Variants in NAB1 observed in about 807,000 individuals in gnomAD.
NAB1 encodes the protein NGFI-A binding protein 1.
NAB1 carries 25 observed loss-of-function variants against 49.9 expected under a neutral mutation model. That is an observed-to-expected ratio of 0.50 (90% confidence interval 0.37 to 0.70). The LOEUF is 0.70. NAB1 is among the 30% of genes least tolerant of loss of function. The pLI is 0.00. For synonymous variants in NAB1, 198 were observed against 215.6 expected (o/e 0.92, Z 0.71); for missense variants, 489 against 575.9 (o/e 0.85, Z 1.54).
rs1221177369 is a variant in NAB1, at chr2:190,667,336, A to G, written c.820-2990A>G. 6.6e-6 allele frequency among the ~76,000 whole-genome samples: 1 copy of G among 152,266 alleles called. No homozygotes were observed. Among genetic ancestry groups the G allele is most frequent in the African/African-American group, 2.4e-5 (1 of 41,466 alleles). ...CAGTTAAAACATCTTACTGAAAATC[A>G]GAGGTTTCCTTAGTAATTTAGATTT... is the stretch of plus-strand genomic sequence containing the variant. On this transcript the variant is annotated intron_variant, in intron 4 of 9. Coordinates refer to ENST00000337386, the MANE Select transcript of NAB1 (RefSeq NM_005966.4). This position sits in a 1 kb window ranked among gnomAD's most constrained non-coding sequence, Gnocchi z 4.4.
At position 190,685,405 on chromosome 2, in the gene NAB1, T is replaced by C; in HGVS notation, c.1096-71T>C. On this transcript the variant is annotated intron_variant, in intron 7 of 9. Coordinates refer to ENST00000337386, the MANE Select transcript of NAB1 (RefSeq NM_005966.4). The surrounding 1 kb of genome is among the most constrained non-coding windows in gnomAD (Gnocchi z 4.5). The stretch of plus-strand genomic sequence containing the variant: ...TAAATATATTTGCTGGAGTCTGAAA[T>C]TGGCATCTTTAAACCATTAAAAAAT... 2 of 1,355,876 alleles carry C rather than the reference T, an allele frequency of 1.5e-6. No individual in the cohort carries two copies. Among genetic ancestry groups the C allele is most frequent in the Non-Finnish European group, 9.9e-7 (1 of 1,008,530 alleles). 84.0% of individuals were successfully genotyped at this position (1,355,876 alleles called of 1,614,324 possible).
At position 190,689,078 on chromosome 2, in the gene NAB1, G is replaced by A. The variant is rs753077042; in HGVS notation, c.1376-1167G>A. 3.3e-5 allele frequency among the ~76,000 whole-genome samples: 5 copies of A among 152,084 alleles called. No individual in the cohort carries two copies. Among genetic ancestry groups the A allele is most frequent in the East Asian group, 1.9e-4 (1 of 5,176 alleles). ...CCTGACCTTGTGATCCGCCCGCCTC[G>A]GCCCCACAAAGTGCTGGGATTACAG... On this transcript the variant is annotated intron_variant, in intron 9 of 9. Transcript: ENST00000337386. This position sits in a 1 kb window ranked among gnomAD's most constrained non-coding sequence, Gnocchi z 4.3.
Position 190,685,176 on chromosome 2 carries a change from T to C in NAB1, c.1096-300T>C, listed in dbSNP as rs531983838. On this transcript the variant is annotated intron_variant, in intron 7 of 9. Coordinates refer to ENST00000337386, the MANE Select transcript of NAB1 (RefSeq NM_005966.4). The surrounding 1 kb of genome is among the most constrained non-coding windows in gnomAD (Gnocchi z 4.5). Reference sequence around the variant, plus strand: ...TAGATTTCTGTTTTAAAAAATCCTTTAAAGGACTTAGTACCTTGGAAAACA... The same window carrying C: ...TAGATTTCTGTTTTAAAAAATCCTTCAAAGGACTTAGTACCTTGGAAAACA... Among the ~76,000 whole-genome samples the C allele has an allele frequency of 6.6e-6, 1 of 152,346 alleles. No individual in the cohort carries two copies. Among genetic ancestry groups the C allele is most frequent in the African/African-American group, 2.4e-5 (1 of 41,588 alleles).
In NAB1 at chr2:190,652,654, AG is replaced by A. The variant is rs1308488256; in HGVS notation, c.-197+2674del. ...CCCAAATTACAGTCAATTCATTAGAAGGTATATATTTAATTCATAGCTAAGA... is the reference window on the plus strand; with the variant it reads ...CCCAAATTACAGTCAATTCATTAGAAGTATATATTTAATTCATAGCTAAGA... On this transcript the variant is annotated intron_variant, in intron 2 of 9. Transcript: ENST00000337386. The surrounding 1 kb of genome is among the most constrained non-coding windows in gnomAD (Gnocchi z 4.2). 6.6e-6 allele frequency among the ~76,000 whole-genome samples: 1 copy of A among 152,202 alleles called. No individual in the cohort carries two copies.
chr2:190,662,586 A>T (rs1324840579), intron 4 of NAB1, among the ~76,000 whole-genome samples: 1 of 152,200 alleles, frequency 6.6e-6, no homozygotes, highest in African/African-American at 2.4e-5. Flanking sequence ...TGCATCTATC[A>T]TAAGGGGTGT....
intron 3 of NAB1, among the ~76,000 whole-genome samples, chr2:190,656,818 T>A (rs565951590): frequency 1.3e-5 from 2 of 152,340 alleles, no homozygotes; most frequent in African/African-American, 4.8e-5. Context: ...TAAAAAGATT[T>A]AAAAGTATTT....
At position 190,660,988 on chromosome 2, in the gene NAB1, G is replaced by T. The variant is rs186822509; in HGVS notation, c.819+993G>T. Among the ~76,000 whole-genome samples the T allele has an allele frequency of 1.4e-4, 21 of 150,154 alleles. No homozygotes were observed. In the East Asian group the frequency reaches 3.7e-3, roughly 27 times the overall value. On this transcript the variant is annotated intron_variant, in intron 4 of 9. Transcript: ENST00000337386. ...ATGGGGGTCTCACTCTGTCACGCAA[G>T]CTAGAGTGCAGTGGGTGCAGCCTGG...
In NAB1 at chr2:190,685,589, A is replaced by G. The variant is rs1695566243; in HGVS notation, c.1209A>G (p.Ser403=). The G allele has an allele frequency of 6.2e-7, 1 of 1,613,980 alleles. No homozygotes were observed. Among genetic ancestry groups the G allele is most frequent in the African/African-American group, 1.3e-5 (1 of 74,940 alleles). Residue 403 remains serine (S), a synonymous_variant, in exon 8 of 10, where the codon TCA becomes TCG. Coordinates refer to ENST00000337386, the MANE Select transcript of NAB1 (RefSeq NM_005966.4). This position sits in a 1 kb window ranked among gnomAD's most constrained non-coding sequence, Gnocchi z 4.5. ...CTGCAGGGCTTTACAGGCAGAGCTCAGAAGAGCACAGTCCTAACGGCTTGA... is the reference window on the plus strand; with the variant it reads ...CTGCAGGGCTTTACAGGCAGAGCTCGGAAGAGCACAGTCCTAACGGCTTGA... ...RLSAGLYRQS[S]EEHSPNGLTS...
chr2:190,663,779 G>C lies in NAB1; in HGVS notation c.819+3784G>C, dbSNP rs1023855295. ...CAATTAAAGTATAAATTTTCACTAT[G>C]TATTGATTCAGTGTTATTCCCAAAG... On this transcript the variant is annotated intron_variant, in intron 4 of 9. Coordinates refer to ENST00000337386, the MANE Select transcript of NAB1 (RefSeq NM_005966.4). The surrounding 1 kb of genome is among the most constrained non-coding windows in gnomAD (Gnocchi z 4.2). Among the ~76,000 whole-genome samples, 5 of 152,018 alleles carry C rather than the reference G, an allele frequency of 3.3e-5. No individual in the cohort carries two copies. Among genetic ancestry groups the C allele is most frequent in the African/African-American group, 4.8e-5 (2 of 41,382 alleles).
rs60518431 is a variant in NAB1, at chr2:190,677,113, T to C, written c.1005+3961T>C. ...AGGCTTGGGTGGAATGAAGTTATAA[T>C]TCATTGACTTGTCTGATTTTTCTAC... On this transcript the variant is annotated intron_variant, in intron 6 of 9. Coordinates refer to ENST00000337386, the MANE Select transcript of NAB1 (RefSeq NM_005966.4). This position sits in a 1 kb window ranked among gnomAD's most constrained non-coding sequence, Gnocchi z 5.6. 28,329 of 152,044 alleles carry C rather than the reference T, an allele frequency of 0.19. 3,151 individuals are homozygous for C. The highest frequency in any genetic ancestry group is 0.37 in the East Asian group (1,895 of 5,168). 9.4% of individuals were successfully genotyped at this position (152,044 alleles called of 1,614,324 possible).
intron 5 of NAB1, 102 bp from the exon 6 acceptor site, chr2:190,672,999 A>G: frequency 1.1e-6 from 1 of 927,202 alleles, no homozygotes; most frequent in Non-Finnish European, 1.7e-6. Context: ...TTGGAGTTTC[A>G]GGGTATATGT....
At position 190,649,600 on chromosome 2, in the gene NAB1, C is replaced by T. The variant is rs897484326; in HGVS notation, c.-334+240C>T. Among the ~76,000 whole-genome samples the T allele has an allele frequency of 6.6e-6, 1 of 152,106 alleles. No homozygotes were observed. The highest frequency in any genetic ancestry group is 6.5e-5 in the Admixed American group (1 of 15,290). On this transcript the variant is annotated intron_variant, in intron 1 of 9. Transcript: ENST00000337386. The surrounding 1 kb of genome is among the most constrained non-coding windows in gnomAD (Gnocchi z 6.1). ...TGCCAGGGCGGCGGGGAGCGCGGCC[C>T]TGACTCGTGCATTTTCCCTCCGAGA...
In NAB1 at chr2:190,659,461, C is replaced by G; in HGVS notation, c.285C>G (p.Pro95=). Residue 95 remains proline (P), a synonymous_variant, in exon 4 of 10, where the codon CCC becomes CCG. Transcript: ENST00000337386. This position sits in a 1 kb window ranked among gnomAD's most constrained non-coding sequence, Gnocchi z 6.2. ...CTTCCCTTCCTGTCAGTAGCATACC[C>G]ATCTATAAATTACCAGAGGGATCAC... is the stretch of plus-strand genomic sequence containing the variant. The part of the protein sequence containing the change: ...PLTSLPVSSI[P]IYKLPEGSPT... The G allele has an allele frequency of 6.2e-7, 1 of 1,614,176 alleles. No homozygotes were observed.
intron 9 of NAB1, among the ~76,000 whole-genome samples, chr2:190,688,035 A>G (rs990662828): frequency 1.3e-5 from 2 of 152,230 alleles, no homozygotes; most frequent in African/African-American, 4.8e-5. Context: ...AGATATTTAC[A>G]TATTTTTATC....
rs1191117103 is a variant in NAB1 at position 190,659,702 on chromosome 2, G to A, written c.526G>A (p.Ala176Thr). 6.2e-7 allele frequency: 1 copy of A among 1,613,840 alleles called. No homozygotes were observed. Among genetic ancestry groups the A allele is most frequent in the Admixed American group, 1.7e-5 (1 of 60,016 alleles). Residue 176 changes from alanine (A) to threonine (T), a missense_variant, in exon 4 of 10, where the codon GCA becomes ACA. Physicochemically the swap from Ala to Thr is moderately conservative, Grantham distance 58 (BLOSUM62 0). Coordinates refer to ENST00000337386, the MANE Select transcript of NAB1 (RefSeq NM_005966.4). This position sits in a 1 kb window ranked among gnomAD's most constrained non-coding sequence, Gnocchi z 6.2. ...ATESEHSLSP[A>T]DLGSPASPKE... ...TGAGAGCGAGCACAGCCTCTCCCCA[G>A]CAGACCTGGGCTCCCCCGCGTCCCC...
Position 190,669,744 on chromosome 2 carries a change from TA to T in NAB1, c.820-580del, listed in dbSNP as rs1464938049. 6.6e-6 allele frequency among the ~76,000 whole-genome samples: 1 copy of T among 152,240 alleles called. No individual in the cohort carries two copies. The highest frequency in any genetic ancestry group is 1.5e-5 in the Non-Finnish European group (1 of 68,038). ...GCAACTCTATATTGGCAATATTTAA[TA>T]ATTACTGAATTATGAAAGGGTGGTA... is the stretch of plus-strand genomic sequence containing the variant. On this transcript the variant is annotated intron_variant, in intron 4 of 9. Coordinates refer to ENST00000337386, the MANE Select transcript of NAB1 (RefSeq NM_005966.4). This position sits in a 1 kb window ranked among gnomAD's most constrained non-coding sequence, Gnocchi z 4.3.
At position 190,676,648 on chromosome 2, in the gene NAB1, A is replaced by G. The variant is rs1695087405; in HGVS notation, c.1005+3496A>G. 6.6e-6 allele frequency among the ~76,000 whole-genome samples: 1 copy of G among 152,172 alleles called. No individual in the cohort carries two copies. Among genetic ancestry groups the G allele is most frequent in the African/African-American group, 2.4e-5 (1 of 41,454 alleles). ...GGTGGGAGAATCACTGCCCCACTGC[A>G]CTCCAGCCCGGGCAACAGAGCACAA... On this transcript the variant is annotated intron_variant, in intron 6 of 9. Transcript: ENST00000337386. This position sits in a 1 kb window ranked among gnomAD's most constrained non-coding sequence, Gnocchi z 4.6.
rs1693672549 is a variant in NAB1 at position 190,651,630 on chromosome 2, C to T, written c.-197+1648C>T. ...CTCCTGGGGCCAAGGGATTATCCCA[C>T]CTTAGCCTCCGAAGTTATGTCAGGT... is the stretch of plus-strand genomic sequence containing the variant. On this transcript the variant is annotated intron_variant, in intron 2 of 9. Coordinates refer to ENST00000337386, the MANE Select transcript of NAB1 (RefSeq NM_005966.4). This position sits in a 1 kb window ranked among gnomAD's most constrained non-coding sequence, Gnocchi z 4.3. Among the ~76,000 whole-genome samples, 1 of 152,116 alleles carries T rather than the reference C, an allele frequency of 6.6e-6. No homozygotes were observed. Among genetic ancestry groups the T allele is most frequent in the Non-Finnish European group, 1.5e-5 (1 of 68,020 alleles).
rs1450736222 is a variant in NAB1, at chr2:190,676,812, A to T, written c.1005+3660A>T. 6.6e-6 allele frequency: 1 copy of T among 152,226 alleles called. No individual in the cohort carries two copies. Among genetic ancestry groups the T allele is most frequent in the Non-Finnish European group, 1.5e-5 (1 of 68,038 alleles). The allele number at this position is 152,226 out of a possible 1,614,324, so 9.4% of individuals were successfully genotyped here. A position where few individuals can be genotyped will look rare whatever the true frequency, so the allele number is the denominator to read the frequency against. On this transcript the variant is annotated intron_variant, in intron 6 of 9. Coordinates refer to ENST00000337386, the MANE Select transcript of NAB1 (RefSeq NM_005966.4). The surrounding 1 kb of genome is among the most constrained non-coding windows in gnomAD (Gnocchi z 4.6). ...AGTTTTTCTCTTTTTTCAAATCTTT[A>T]AGTGTTCTAAAATCCTTTATAACAA...
Sources: gnomAD v4.1 joint callset for allele counts (sites outside exome capture counted in the v4.1 genomes callset) on GRCh38, gnomAD v4.1.1 for gene constraint, Gnocchi (gnomAD v3.1) non-coding constraint, MANE v1.5 for transcripts, NCBI Gene and HGNC (gene_info 2026-07-23, HGNC 2026-07-21) for gene names.